The following MAP6 variants were observed in gnomAD, a reference collection of about 807,000 sequenced individuals.
MAP6 encodes the protein microtubule-associated protein 6.
A neutral mutation model predicts 42.4 loss-of-function variants in MAP6; 26 were observed. The observed-to-expected ratio is 0.61, with a 90% CI of 0.45 to 0.85. MAP6 has a LOEUF of 0.85. Ranked by LOEUF, MAP6 falls within the 40% of genes least tolerant of loss-of-function variation. The pLI, the probability that MAP6 is intolerant of heterozygous loss-of-function variation, is 0.00. For missense variants in MAP6, 966 were observed against 1,099.0 expected, an observed-to-expected ratio of 0.88 and a Z score of 1.71; for synonymous variants, 418 against 443.8, an observed-to-expected ratio of 0.94 and a Z score of 0.73.
chr11:75,607,633 G>A, intron 2 of MAP6: 1 of 985,390 alleles, frequency 1.0e-6, no homozygotes, highest in African/African-American at 1.7e-5. Context: ...AGATGAGAGA[G>A]GGCAGGTGCT....
intron 2 of MAP6, chr11:75,607,618 C>G (rs1413965220): frequency 6.1e-6 from 6 of 985,004 alleles, no homozygotes; most frequent in Non-Finnish European, 6.0e-6. Flanking sequence ...GTGTTTAGCC[C>G]GAGAAGATGA....
intron 1 of MAP6, among the ~76,000 whole-genome samples, chr11:75,653,822 G>A (rs1310351252): frequency 6.6e-6 from 1 of 152,156 alleles, no homozygotes; most frequent in East Asian, 1.9e-4. Context: ...AATTCAGAAT[G>A]TGTGCAATGA....
rs1370495104 is a variant in MAP6, at chr11:75,646,972, G to C, written c.905+20493C>G. ...ATGGAAATTGGGAGCAGTAGAGCTT[G>C]ATTAATTTGAAACTTTTTTTTTTTT... On this transcript the variant is annotated intron_variant, in intron 1 of 3. Transcript: ENST00000304771. Among the ~76,000 whole-genome samples, 5 of 129,522 alleles carry C rather than the reference G, an allele frequency of 3.9e-5. No individual in the cohort carries two copies. In the South Asian group the frequency reaches 1.0e-3, roughly 26 times the overall value. 85.0% of individuals were successfully genotyped at this position (129,522 alleles called of 152,430 possible). A position where few individuals can be genotyped will look rare whatever the true frequency, so the allele number is the denominator to read the frequency against.
chr11:75,595,373 C>A (rs1942560325), intron 3 of MAP6, among the ~76,000 whole-genome samples: 1 of 152,218 alleles, frequency 6.6e-6, no homozygotes. Context: ...GTATCCCTGG[C>A]TTCTCCAAGT....
intron 3 of MAP6, among the ~76,000 whole-genome samples, chr11:75,591,227 A>C (rs1942471778): frequency 6.6e-6 from 1 of 152,202 alleles, no homozygotes; most frequent in Non-Finnish European, 1.5e-5. Flanking sequence ...TAATTTATTT[A>C]AAATTATTCA....
At chr11:75,637,088 G>A (rs1293563157) in intron 1 of MAP6, among the ~76,000 whole-genome samples, 2 of 152,102 alleles carry the variant, frequency 1.3e-5, no homozygotes, top group Admixed American at 6.5e-5. Context: ...TTGGTGTTTT[G>A]TTCACTGAAG....
intron 1 of MAP6, among the ~76,000 whole-genome samples, chr11:75,608,614 T>C (rs1478839126): frequency 1.3e-5 from 2 of 152,240 alleles, no homozygotes; most frequent in Non-Finnish European, 2.9e-5. Context: ...CAGGGCTCTT[T>C]TTCCCAATCT....
chr11:75,634,163 G>A (rs1943331206), intron 1 of MAP6, among the ~76,000 whole-genome samples: 1 of 152,168 alleles, frequency 6.6e-6, no homozygotes, highest in Non-Finnish European at 1.5e-5. Flanking sequence ...AATGAGTGAA[G>A]AATCTTACAC....
rs1003153118 is a variant in MAP6 at position 75,668,058 on chromosome 11, C to G, written c.312G>C (p.Pro104=). ...EPAAGPGRSG[P]GPGLGSGSTS... The stretch of plus-strand genomic sequence containing the variant: ...TGGAGCCGGAGCCCAGGCCCGGGCC[C>G]GGCCCGCTCCGGCCGGGGCCCGCCG... Residue 104 remains proline (P), a synonymous_variant, in exon 1 of 4, where the codon CCG becomes CCC. Coordinates refer to ENST00000304771, the MANE Select transcript of MAP6 (RefSeq NM_033063.2). The G allele has an allele frequency of 1.1e-5, 14 of 1,226,606 alleles. No homozygotes were observed. Among genetic ancestry groups the G allele is most frequent in the Middle Eastern group, 6.3e-4 (2 of 3,198 alleles). 76.0% of individuals were successfully genotyped at this position (1,226,606 alleles called of 1,614,324 possible).
intron 3 of MAP6, among the ~76,000 whole-genome samples, chr11:75,601,282 CCT>C (rs540901980): frequency 2.6e-5 from 4 of 152,198 alleles, no homozygotes; most frequent in Non-Finnish European, 5.9e-5. Flanking sequence ...GCTATTTCTA[CCT>C]CTCTACTTCT....
At position 75,633,443 on chromosome 11, in the gene MAP6, A is replaced by T. The variant is rs568922936; in HGVS notation, c.906-25121T>A. On this transcript the variant is annotated intron_variant, in intron 1 of 3. Transcript: ENST00000304771. Reference sequence around the variant, plus strand: ...TAATTTGTTTAACATATATTAACTTAGGTGCTGTGGGAAGACATTGGGATA... The same window carrying T: ...TAATTTGTTTAACATATATTAACTTTGGTGCTGTGGGAAGACATTGGGATA... Among the ~76,000 whole-genome samples the T allele has an allele frequency of 8.3e-4, 126 of 152,356 alleles. 1 individual carries two copies. The highest frequency in any genetic ancestry group is 2.9e-3 in the African/African-American group (119 of 41,584).
intron 1 of MAP6, among the ~76,000 whole-genome samples, chr11:75,648,142 T>C (rs1943592695): frequency 6.6e-6 from 1 of 152,198 alleles, no homozygotes; most frequent in African/African-American, 2.4e-5. Context: ...TCTCACACTA[T>C]ACACAAAATT....
intron 1 of MAP6, among the ~76,000 whole-genome samples, chr11:75,661,390 A>G (rs1465126930): frequency 6.6e-6 from 1 of 152,070 alleles, no homozygotes; most frequent in Non-Finnish European, 1.5e-5. Flanking sequence ...GACTAATATA[A>G]AAAAGGAAAA....
intron 2 of MAP6, 27 bp from the exon 3 acceptor site, chr11:75,606,031 C>T: frequency 6.2e-7 from 1 of 1,607,100 alleles, no homozygotes; most frequent in Non-Finnish European, 8.5e-7. Flanking sequence ...ACCGCAAATA[C>T]AGAAACACAA....
rs1944007266 is a variant in MAP6, at chr11:75,668,568, C to G, written c.-199G>C. The G allele has an allele frequency of 1.6e-6, 1 of 632,188 alleles. No individual in the cohort carries two copies. The highest frequency in any genetic ancestry group is 2.2e-6 in the Non-Finnish European group (1 of 445,508). The allele number at this position is 632,188 out of a possible 1,614,324, so 39.2% of individuals were successfully genotyped here. ...TCCTAGGAGAGTCTGTAGAGTCCCT[C>G]GATTACCGGTCGCAAACGCCTTTGG... On this transcript the variant is annotated 5_prime_UTR_variant, in exon 1 of 4. Coordinates refer to ENST00000304771, the MANE Select transcript of MAP6 (RefSeq NM_033063.2).
At chr11:75,615,064 C>T (rs1942974032) in intron 1 of MAP6, among the ~76,000 whole-genome samples, 2 of 152,210 alleles carry the variant, frequency 1.3e-5, no homozygotes, top group South Asian at 4.1e-4. Context: ...AAAAGAAACA[C>T]AGGCCATCAC....
At chr11:75,642,336 ATGT>A (rs1406413285) in intron 1 of MAP6, among the ~76,000 whole-genome samples, 2 of 152,246 alleles carry the variant, frequency 1.3e-5, no homozygotes, top group Non-Finnish European at 2.9e-5. Context: ...AATGGAGTAA[ATGT>A]TAATAATGCA....
chr11:75,652,429 T>G (rs1287676945), intron 1 of MAP6, among the ~76,000 whole-genome samples: 2 of 152,172 alleles, frequency 1.3e-5, no homozygotes, highest in Admixed American at 1.3e-4. Context: ...GCCTGATTGT[T>G]TTGCCTGCTG....
intron 2 of MAP6, chr11:75,607,277 C>A (rs1241339693): frequency 1.0e-6 from 1 of 985,448 alleles, no homozygotes; most frequent in Admixed American, 6.1e-5. Context: ...AGGACAAAAG[C>A]AGAGAAAAGG....
Sources: allele counts gnomAD v4.1 joint callset (sites outside exome capture counted in the v4.1 genomes callset), GRCh38; gene constraint gnomAD v4.1.1; transcripts MANE v1.5; gene names NCBI Gene and HGNC (gene_info 2026-07-23, HGNC 2026-07-21).